HNRNPM: variants seen among roughly 807,000 people sequenced by gnomAD.
The protein encoded by HNRNPM is heterogeneous nuclear ribonucleoprotein M, also known as CEA receptor.
A neutral mutation model predicts 73.1 loss-of-function variants in HNRNPM; 11 were observed. The observed-to-expected ratio is 0.15, with a 90% CI of 0.09 to 0.25. The LOEUF is 0.25. Ranked by LOEUF, HNRNPM falls within the 10% of genes least tolerant of loss-of-function variation. HNRNPM has a pLI of 1.00. For missense variants in HNRNPM, 789 were observed against 1,067.9 expected (o/e 0.74, Z 3.64); for synonymous variants, 407 against 355.2 (o/e 1.15, Z -1.64).
intron 15 of HNRNPM, chr19:8,487,781 C>G (rs1247379958): frequency 2.6e-5 from 4 of 152,486 alleles, no homozygotes; most frequent in Admixed American, 6.5e-5. Flanking sequence ...GTTCTTGGGG[C>G]AAGCCGTTGA....
intron 1 of HNRNPM, among the ~76,000 whole-genome samples, chr19:8,449,537 C>CT (rs567300476): frequency 0.31 from 8,179 of 26,202 alleles, 2,076 homozygotes; most frequent in South Asian, 0.74. Flanking sequence ...CTAAGAGTCT[C>CT]TTTTTTTTTT....
intron 9 of HNRNPM, 94 bp from the exon 10 acceptor site, chr19:8,471,232 G>A (rs1186546713): frequency 1.4e-5 from 9 of 662,860 alleles, no homozygotes; most frequent in Non-Finnish European, 2.0e-5. Flanking sequence ...GTAGGCTGAA[G>A]TGGATAGCTG....
At chr19:8,456,951 A>T (rs1969069183) in intron 2 of HNRNPM, among the ~76,000 whole-genome samples, 2 of 152,086 alleles carry the variant, frequency 1.3e-5, no homozygotes, top group Non-Finnish European at 2.9e-5. Context: ...GGTTTTTGGG[A>T]CTGCTGCTTC....
chr19:8,486,312 C>T lies in HNRNPM; in HGVS notation c.1884C>T (p.Gly628=). The T allele has an allele frequency of 1.2e-6, 2 of 1,600,182 alleles. No homozygotes were observed. The highest frequency in any genetic ancestry group is 1.7e-6 in the Non-Finnish European group (2 of 1,179,856). Residue 628 remains glycine, a synonymous_variant, in exon 14 of 16, where the codon GGC becomes GGT. Coordinates refer to ENST00000325495, the MANE Select transcript of HNRNPM (RefSeq NM_005968.5). ...ACCGTGCCATCGAGATGGAGCGTGGCAACTTCGGAGGAAGCTTCGCAGGTT... is the reference window on the plus strand; with the variant it reads ...ACCGTGCCATCGAGATGGAGCGTGGTAACTTCGGAGGAAGCTTCGCAGGTT... ...SFDRAIEMER[G]NFGGSFAGSF...
At chr19:8,488,517 G>GGGCAGT in intron 15 of HNRNPM, 174 bp from the exon 16 acceptor site, 1 of 527,478 alleles carries the variant, frequency 1.9e-6, no homozygotes, top group South Asian at 3.3e-5. Flanking sequence ...GCAGGGGCAG[G>GGGCAGT]CTCTGTTAGC....
chr19:8,485,929 A>G lies in HNRNPM; in HGVS notation c.1501A>G (p.Ile501Val), dbSNP rs765735572. The part of the protein sequence containing the change: ...GFGLERMAAP[I>V]DRVGQTIERM... ...CGGCCTTGAGCGCATGGCCGCTCCC[A>G]TCGACCGTGTGGGCCAGACCATTGA... Residue 501 changes from isoleucine to valine, a missense_variant, in exon 14 of 16, where the codon ATC (isoleucine) becomes GTC (valine). Physicochemically the swap from Ile to Val is conservative, Grantham distance 29. Transcript: ENST00000325495. 2.5e-6 allele frequency: 4 copies of G among 1,603,962 alleles called. No homozygotes were observed. The highest frequency in any genetic ancestry group is 1.7e-5 in the Admixed American group (1 of 59,786).
intron 10 of HNRNPM, among the ~76,000 whole-genome samples, chr19:8,472,173 A>G (rs774676764): frequency 5.3e-3 from 434 of 82,492 alleles, no homozygotes; most frequent in Non-Finnish European, 0.01. Context: ...CCGTCTCCAG[A>G]AAAAAAAAAA....
At chr19:8,465,232 G>A (rs933428365) in intron 5 of HNRNPM, 92 bp from the exon 6 acceptor site, 1 of 1,042,158 alleles carries the variant, frequency 9.6e-7, no homozygotes, top group Non-Finnish European at 1.4e-6. Context: ...CAACCTTTCA[G>A]TTTCTAAGTC....
intron 2 of HNRNPM, among the ~76,000 whole-genome samples, chr19:8,459,939 T>C (rs188603397): frequency 7.0e-4 from 107 of 152,380 alleles, no homozygotes; most frequent in Non-Finnish European, 1.3e-3. Context: ...TTTGATGTTT[T>C]AAGCTGCAGT....
At position 8,486,070 on chromosome 19, in the gene HNRNPM, A is replaced by G; in HGVS notation, c.1642A>G (p.Met548Val). Residue 548 changes from methionine (M) to valine (V), a missense_variant, in exon 14 of 16, where the codon ATG (methionine) becomes GTG (valine). Coordinates refer to ENST00000325495, the MANE Select transcript of HNRNPM (RefSeq NM_005968.5). ...GAGLERMGPV[M>V]DRMATGLERM... Reference sequence around the variant, plus strand: ...TGGCCTGGAGCGCATGGGCCCCGTGATGGATCGCATGGCCACCGGCCTGGA... The same window carrying G: ...TGGCCTGGAGCGCATGGGCCCCGTGGTGGATCGCATGGCCACCGGCCTGGA... 6.2e-7 allele frequency: 1 copy of G among 1,605,010 alleles called. No homozygotes were observed. Among genetic ancestry groups the G allele is most frequent in the Non-Finnish European group, 8.5e-7 (1 of 1,179,370 alleles).
At position 8,462,226 on chromosome 19, in the gene HNRNPM, C is replaced by A. The variant is rs1265927887; in HGVS notation, c.284-303C>A. On this transcript the variant is annotated intron_variant, in intron 2 of 15. Coordinates refer to ENST00000325495, the MANE Select transcript of HNRNPM (RefSeq NM_005968.5). This position sits in a 1 kb window ranked among gnomAD's most constrained non-coding sequence, Gnocchi z 4.5. ...AAAGTAAATCACGCAGACTTCTTTC[C>A]TATAGATTTGGATTGCCTCTAGTCA... The A allele has an allele frequency of 3.1e-6, 1 of 327,286 alleles. No individual in the cohort carries two copies. The highest frequency in any genetic ancestry group is 5.8e-6 in the Non-Finnish European group (1 of 173,724). The allele number at this position is 327,286 out of a possible 1,614,324, so 20.3% of individuals were successfully genotyped here.
intron 2 of HNRNPM, among the ~76,000 whole-genome samples, chr19:8,458,179 C>T (rs541760048): frequency 6.6e-6 from 1 of 152,304 alleles, no homozygotes; most frequent in East Asian, 1.9e-4. Context: ...ACTCTTGATC[C>T]TCTTCCCCAT....
intron 3 of HNRNPM, 98 bp from the exon 4 acceptor site, chr19:8,463,399 T>C (rs1969522121): frequency 3.0e-6 from 4 of 1,320,346 alleles, no homozygotes; most frequent in Non-Finnish European, 4.4e-6. Context: ...ATAAATCATA[T>C]TTTTAGTTTG....
rs78327498 is a variant in HNRNPM, at chr19:8,450,729, T to TATTATTATTATTA, written c.114-4676_114-4675insATTATTATTATTA. ...TTTAATTAATTATTATTATTATTATTTTTTTTTTTTTTGAGATGGAGTTTT... is the reference window on the plus strand; with the variant it reads ...TTTAATTAATTATTATTATTATTATTATTATTATTATTATTTTTTTTTTTTGAGATGGAGTTTT... On this transcript the variant is annotated intron_variant, in intron 1 of 15. Coordinates refer to ENST00000325495, the MANE Select transcript of HNRNPM (RefSeq NM_005968.5). Among the ~76,000 whole-genome samples the TATTATTATTATTA allele has an allele frequency of 1.4e-3, 175 of 125,060 alleles. 1 individual carries two copies. The highest frequency in any genetic ancestry group is 2.0e-3 in the South Asian group (7 of 3,580). 82.0% of individuals were successfully genotyped at this position (125,060 alleles called of 152,430 possible).
Position 8,474,234 on chromosome 19 carries a change from C to A in HNRNPM, c.1110C>A (p.Gly370=). ...MGRFGSGMNM[G]RINEILSNAL... ...GATTTGGATCTGGGATGAACATGGG[C>A]AGGATAAATGGTAAGCATCGTGTTT... Residue 370 remains glycine (G), a synonymous_variant, in exon 12 of 16, where the codon GGC becomes GGA. Coordinates refer to ENST00000325495, the MANE Select transcript of HNRNPM (RefSeq NM_005968.5). The A allele has an allele frequency of 1.3e-6, 2 of 1,588,026 alleles. No individual in the cohort carries two copies. Among genetic ancestry groups the A allele is most frequent in the Non-Finnish European group, 1.7e-6 (2 of 1,168,902 alleles).
intron 13 of HNRNPM, among the ~76,000 whole-genome samples, chr19:8,485,317 G>T (rs749955961): frequency 6.6e-6 from 1 of 152,202 alleles, no homozygotes; most frequent in Non-Finnish European, 1.5e-5. Flanking sequence ...GGTTCACAAA[G>T]CTTGTCACAG....
intron 15 of HNRNPM, chr19:8,488,486 G>A (rs906189232): frequency 5.3e-5 from 24 of 452,266 alleles, no homozygotes; most frequent in African/African-American, 3.7e-4. Context: ...CATTGAATCC[G>A]CCAGGAAGGC....
intron 1 of HNRNPM, among the ~76,000 whole-genome samples, chr19:8,450,902 GGTTTTGTTTT>G (rs938141526): frequency 6.9e-6 from 1 of 144,588 alleles, no homozygotes; most frequent in Non-Finnish European, 1.5e-5. Context: ...GCTAATTTTT[GGTTTTGTTTT>G]GTTTTGTTTT....
chr19:8,471,682 T>C (rs1030384862), intron 10 of HNRNPM, among the ~76,000 whole-genome samples: 16 of 152,174 alleles, frequency 1.1e-4, no homozygotes, highest in African/African-American at 3.9e-4. Context: ...AGTTGTGCCA[T>C]TTGATAAGAG....
Sources: allele counts gnomAD v4.1 joint callset (sites outside exome capture counted in the v4.1 genomes callset), GRCh38; gene constraint gnomAD v4.1.1; non-coding constraint Gnocchi (gnomAD v3.1); transcripts MANE v1.5; gene names NCBI Gene and HGNC (gene_info 2026-07-23, HGNC 2026-07-21).